Variants in BMERB1 observed in about 807,000 individuals in gnomAD.
BMERB1 encodes bMERB domain-containing protein 1.
A neutral mutation model predicts 23.6 loss-of-function variants in BMERB1; 12 were observed. The ratio of observed to expected loss-of-function variants is 0.51; its 90% CI spans 0.33 to 0.82. BMERB1 has a LOEUF of 0.82. Ranked by LOEUF, BMERB1 falls within the 40% of genes least tolerant of loss-of-function variation. The pLI is 0.03. For synonymous variants in BMERB1, 122 were observed against 96.6 expected (o/e 1.26, Z -1.54); for missense variants, 247 against 255.4 (o/e 0.97, Z 0.22).
At chr16:15,499,951 T>C (rs992309361) in intron 1 of BMERB1, among the ~76,000 whole-genome samples, 1 of 152,180 alleles carries the variant, frequency 6.6e-6, no homozygotes, top group East Asian at 1.9e-4. Context: ...ACACAATCAA[T>C]ATATTCAATC....
rs75036793 is a variant in BMERB1, at chr16:15,455,333, A to G, written c.106+20574A>G. ...ATGGAGACTCTGTCTCAAAAAAAAA[A>G]AAAAGAAAAGAAAAGAAAATGTCAT... On this transcript the variant is annotated intron_variant, in intron 1 of 5. Transcript: ENST00000300006. Among the ~76,000 whole-genome samples, 1,120 of 150,174 alleles carry G rather than the reference A, an allele frequency of 7.5e-3. 14 individuals are homozygous for G. The highest frequency in any genetic ancestry group is 0.024 in the African/African-American group (975 of 40,272).
At chr16:15,479,506 T>C (rs1054791046) in intron 1 of BMERB1, among the ~76,000 whole-genome samples, 5 of 152,096 alleles carry the variant, frequency 3.3e-5, no homozygotes, top group Non-Finnish European at 7.4e-5. Flanking sequence ...AAAATAAGAA[T>C]ATTCACAATA....
rs1276777671 is a variant in BMERB1, at chr16:15,587,176, A to G, written c.*347A>G. 1 of 282,314 alleles carries G rather than the reference A, an allele frequency of 3.5e-6. No homozygotes were observed. The highest frequency in any genetic ancestry group is 6.8e-6 in the Non-Finnish European group (1 of 146,560). The allele number at this position is 282,314 out of a possible 1,614,324, so 17.5% of individuals were successfully genotyped here. ...CGTGTGAATGAACTGGGAGAGGGGC[A>G]TGCTCCCCAGCTGTGTGTAGTCGTG... is the stretch of plus-strand genomic sequence containing the variant. On this transcript the variant is annotated 3_prime_UTR_variant, in exon 6 of 6. Transcript: ENST00000300006.
At chr16:15,532,390 C>T (rs2051976488) in intron 2 of BMERB1, among the ~76,000 whole-genome samples, 1 of 151,846 alleles carries the variant, frequency 6.6e-6, no homozygotes, top group Non-Finnish European at 1.5e-5. Context: ...CGCCACTGCT[C>T]CCAGCTAATT....
chr16:15,490,134 G>C (rs569877392), intron 1 of BMERB1, among the ~76,000 whole-genome samples: 2 of 152,230 alleles, frequency 1.3e-5, no homozygotes, highest in South Asian at 4.2e-4. Flanking sequence ...CAAGTGCTGG[G>C]ATTACAGGTG....
At chr16:15,506,234 G>T (rs546417071) in intron 1 of BMERB1, among the ~76,000 whole-genome samples, 1 of 151,392 alleles carries the variant, frequency 6.6e-6, no homozygotes, top group Non-Finnish European at 1.5e-5. Flanking sequence ...GGAGTGCCGC[G>T]GTGCGATCTC....
chr16:15,576,054 T>C (rs1184415111), intron 3 of BMERB1, among the ~76,000 whole-genome samples: 1 of 148,922 alleles, frequency 6.7e-6, no homozygotes, highest in Non-Finnish European at 1.5e-5. Context: ...TTTTTTTTTT[T>C]TTGAGACAGA....
intron 1 of BMERB1, among the ~76,000 whole-genome samples, chr16:15,473,138 G>T (rs957240355): frequency 1.3e-5 from 2 of 151,920 alleles, no homozygotes; most frequent in South Asian, 4.1e-4. Context: ...GGGATTACAG[G>T]CGTGAGCCAC....
intron 1 of BMERB1, among the ~76,000 whole-genome samples, chr16:15,483,217 G>C (rs1023219819): frequency 5.3e-5 from 8 of 152,068 alleles, no homozygotes; most frequent in African/African-American, 1.9e-4. Context: ...CTGTTATAAA[G>C]GTTGCTGTTG....
At chr16:15,582,997 A>G (rs987860514) in intron 4 of BMERB1, among the ~76,000 whole-genome samples, 159 bp from the exon 5 acceptor site, 1 of 152,208 alleles carries the variant, frequency 6.6e-6, no homozygotes, top group Admixed American at 6.5e-5. Context: ...CAGGTTCACC[A>G]GATACAACAT....
At chr16:15,563,687 G>A (rs2030489297) in intron 2 of BMERB1, among the ~76,000 whole-genome samples, 1 of 152,120 alleles carries the variant, frequency 6.6e-6, no homozygotes, top group Non-Finnish European at 1.5e-5. Flanking sequence ...GGCTGGAGAA[G>A]GAACAAGAGA....
chr16:15,499,259 G>A (rs1006224989), intron 1 of BMERB1, among the ~76,000 whole-genome samples: 7 of 151,966 alleles, frequency 4.6e-5, no homozygotes, highest in Non-Finnish European at 7.4e-5. Flanking sequence ...TTAGTCAGGC[G>A]AAGTGGCAGG....
At chr16:15,579,452 A>G (rs1207424251) in intron 3 of BMERB1, among the ~76,000 whole-genome samples, 1 of 152,148 alleles carries the variant, frequency 6.6e-6, no homozygotes, top group East Asian at 1.9e-4. Context: ...GGTTAATGAG[A>G]GAAACCAACT....
chr16:15,451,328 C>G (rs2051039404), intron 1 of BMERB1, among the ~76,000 whole-genome samples: 1 of 151,706 alleles, frequency 6.6e-6, no homozygotes, highest in Non-Finnish European at 1.5e-5. Flanking sequence ...GTAGCTGGGA[C>G]CACAGGTGCA....
In BMERB1 at chr16:15,578,243, T is replaced by C. The variant is rs571150262; in HGVS notation, c.305-2974T>C. Among the ~76,000 whole-genome samples, 1,229 of 148,196 alleles carry C rather than the reference T, an allele frequency of 8.3e-3. 6 individuals are homozygous for C. Among genetic ancestry groups the C allele is most frequent in the Non-Finnish European group, 0.012 (785 of 67,576 alleles). On this transcript the variant is annotated intron_variant, in intron 3 of 5. Coordinates refer to ENST00000300006, the MANE Select transcript of BMERB1 (RefSeq NM_033201.3). ...CTTCTCCTCTTTTTTTTTTTTTTTT[T>C]CTAAAAGACAGGGTCTGGCTGTGTT...
chr16:15,542,550 C>G (rs2052096572), intron 2 of BMERB1, among the ~76,000 whole-genome samples: 1 of 151,450 alleles, frequency 6.6e-6, no homozygotes, highest in Non-Finnish European at 1.5e-5. Context: ...GCTTTAGGAG[C>G]TCTGTGCTGG....
intron 1 of BMERB1, among the ~76,000 whole-genome samples, chr16:15,438,440 C>T (rs1306904410): frequency 1.3e-5 from 2 of 149,306 alleles, no homozygotes; most frequent in Admixed American, 6.8e-5. Context: ...AAACTTGAAT[C>T]TGGCAAGTTT....
intron 2 of BMERB1, among the ~76,000 whole-genome samples, chr16:15,519,810 C>T (rs1031066655): frequency 2.0e-5 from 3 of 152,126 alleles, no homozygotes; most frequent in African/African-American, 4.8e-5. Flanking sequence ...TGTCCTTTCC[C>T]CCAAGATCCA....
At chr16:15,436,725 C>G (rs967551146) in intron 1 of BMERB1, among the ~76,000 whole-genome samples, 1 of 152,032 alleles carries the variant, frequency 6.6e-6, no homozygotes, top group Non-Finnish European at 1.5e-5. Context: ...AACCATCATT[C>G]TACTCTGTAT....
Sources: gnomAD v4.1 joint callset for allele counts (sites outside exome capture counted in the v4.1 genomes callset) on GRCh38, gnomAD v4.1.1 for gene constraint, MANE v1.5 for transcripts, NCBI Gene and HGNC (gene_info 2026-07-23, HGNC 2026-07-21) for gene names.